KCNT1: variants seen among roughly 807,000 people sequenced by gnomAD.
The protein encoded by KCNT1 is potassium channel subfamily T member 1.
Under a neutral mutation model 147.8 loss-of-function variants are expected in KCNT1, and 78 were observed. The observed-to-expected ratio is 0.53, with a 90% CI of 0.44 to 0.64. The LOEUF (loss-of-function observed/expected upper bound fraction) is 0.64, where lower values mean the gene tolerates loss of function less well. Ranked by LOEUF, KCNT1 falls within the 30% of genes least tolerant of loss-of-function variation. KCNT1 has a pLI of 0.00. For synonymous variants in KCNT1, 867 were observed against 748.8 expected (o/e 1.16, Z -2.58); for missense variants, 1,419 against 1,750.3 (o/e 0.81, Z 3.38).
intron 29 of KCNT1, chr9:135,790,942 C>G (rs1023909209): frequency 6.6e-6 from 1 of 152,346 alleles, no homozygotes. Flanking sequence ...CCTGCCGGCC[C>G]CATGGAGACT....
intron 18 of KCNT1, among the ~76,000 whole-genome samples, chr9:135,772,475 G>A (rs1183030567): frequency 1.3e-5 from 2 of 152,128 alleles, no homozygotes; most frequent in Admixed American, 1.3e-4. Context: ...GGCCTGGGTG[G>A]CACCGATGGG....
At chr9:135,754,666 G>A (rs895445063) in intron 5 of KCNT1, among the ~76,000 whole-genome samples, 9 of 152,206 alleles carry the variant, frequency 5.9e-5, no homozygotes, top group African/African-American at 2.2e-4. Flanking sequence ...AAACCCAGGG[G>A]GCTGTGGGTT....
Position 135,759,742 on chromosome 9 carries a change from C to T in KCNT1, c.918C>T (p.Tyr306=), listed in dbSNP as rs1246645957. 5.0e-6 allele frequency: 8 copies of T among 1,613,600 alleles called. No homozygotes were observed. Among genetic ancestry groups the T allele is most frequent in the Non-Finnish European group, 6.8e-6 (8 of 1,179,838 alleles). Residue 306 remains tyrosine (Y), a synonymous_variant, in exon 11 of 31, where the codon TAC becomes TAT. Coordinates refer to ENST00000371757, the MANE Select transcript of KCNT1 (RefSeq NM_020822.3). ...ACCTGTCCCTCCTGACCTCCTTCTACTTCTGCATCGTCACCTTCTCCACCG... is the reference window on the plus strand; with the variant it reads ...ACCTGTCCCTCCTGACCTCCTTCTATTTCTGCATCGTCACCTTCTCCACCG... The part of the protein sequence containing the change: ...GENLSLLTSF[Y]FCIVTFSTVG...
At chr9:135,716,860 G>C (rs1312994270) in intron 2 of KCNT1, among the ~76,000 whole-genome samples, 1 of 152,250 alleles carries the variant, frequency 6.6e-6, no homozygotes, top group African/African-American at 2.4e-5. Flanking sequence ...TTCTATTGGA[G>C]GGAGAGTGGC....
intron 7 of KCNT1, 45 bp downstream of exon 7, chr9:135,756,977 T>TCCCCAGCCTC (rs1831526347): frequency 1.4e-5 from 14 of 978,384 alleles, no homozygotes; most frequent in South Asian, 1.4e-4. Flanking sequence ...GTCCCCACCC[T>TCCCCAGCCTC]CCCCACCCTC....
intron 2 of KCNT1, among the ~76,000 whole-genome samples, chr9:135,718,718 C>T (rs1835812268): frequency 6.6e-6 from 1 of 152,308 alleles, no homozygotes; most frequent in Middle Eastern, 3.4e-3. Context: ...GTGAGGGAAG[C>T]GGGTGCTGCT....
chr9:135,702,446 G>C (rs1009485183), intron 1 of KCNT1, 78 bp downstream of exon 1: 2 of 1,157,268 alleles, frequency 1.7e-6, no homozygotes, highest in Admixed American at 3.7e-5. Flanking sequence ...TCAGGCTCCC[G>C]CACCCTCCAG....
rs1382393432 is a variant in KCNT1 at position 135,758,453 on chromosome 9, A to G, written c.799A>G (p.Met267Val). The G allele has an allele frequency of 1.2e-6, 2 of 1,613,570 alleles. No homozygotes were observed. The highest frequency in any genetic ancestry group is 2.7e-5 in the African/African-American group (2 of 74,936). The part of the protein sequence containing the change: ...HRAILRTQSA[M>V]FNQVLILFCT... Reference sequence around the variant, plus strand: ...TGCCATCCTGCGGACACAGTCAGCCATGTTCAACCAGGTCCTCATCCTCTT... The same window carrying G: ...TGCCATCCTGCGGACACAGTCAGCCGTGTTCAACCAGGTCCTCATCCTCTT... Residue 267 changes from methionine (M) to valine (V), a missense_variant, in exon 10 of 31, where the codon ATG becomes GTG. Physicochemically the swap from Met to Val is conservative, Grantham distance 21. Transcript: ENST00000371757.
chr9:135,785,258 G>T (rs1001929622), intron 27 of KCNT1, 52 bp from the exon 28 acceptor site: 4 of 1,607,998 alleles, frequency 2.5e-6, no homozygotes, highest in Non-Finnish European at 3.4e-6. Context: ...GAGGCGGCGT[G>T]GGGGGCAGGG....
chr9:135,794,015 G>GT lies in KCNT1; in HGVS notation c.*1855dup, dbSNP rs1224933598. ...CTGCCTCACCTGGGTGGCCTCTCATGTCCCCCACACCCTGGCCCCCAGGCG... is the reference window on the plus strand; with the variant it reads ...CTGCCTCACCTGGGTGGCCTCTCATGTTCCCCCACACCCTGGCCCCCAGGCG... On this transcript the variant is annotated 3_prime_UTR_variant, in exon 31 of 31. Transcript: ENST00000371757. 6.6e-6 allele frequency: 1 copy of GT among 152,522 alleles called. No individual in the cohort carries two copies. Among genetic ancestry groups the GT allele is most frequent in the Non-Finnish European group, 1.5e-5 (1 of 68,290 alleles). 9.4% of individuals were successfully genotyped at this position (152,522 alleles called of 1,614,324 possible).
At chr9:135,777,836 GTTCCCAGCTACTCTCCA>G (rs2131545879) in intron 21 of KCNT1, among the ~76,000 whole-genome samples, 1 of 143,052 alleles carries the variant, frequency 7.0e-6, no homozygotes, top group African/African-American at 2.7e-5. Context: ...AGCTCCCCCA[GTTCCCAGCTACTCTCCA>G]TTCCCAGCTC....
At chr9:135,713,168 A>G (rs901301383) in intron 1 of KCNT1, among the ~76,000 whole-genome samples, 3 of 152,252 alleles carry the variant, frequency 2.0e-5, no homozygotes, top group South Asian at 2.1e-4. Flanking sequence ...AGGGGCTTTC[A>G]GTGAGGAAGG....
chr9:135,732,027 GAGAGAGAGAGAGA>G (rs1836499630), intron 2 of KCNT1, among the ~76,000 whole-genome samples: 5 of 102,444 alleles, frequency 4.9e-5, no homozygotes, highest in African/African-American at 1.8e-4. Context: ...GAGAGAGAGA[GAGAGAGAGAGAGA>G]GGGAGTCTCA....
At chr9:135,720,115 C>T in intron 2 of KCNT1, among the ~76,000 whole-genome samples, 1 of 152,110 alleles carries the variant, frequency 6.6e-6, no homozygotes, top group Non-Finnish European at 1.5e-5. Context: ...GCAGGGCCAG[C>T]AGGAGCAGGA....
Position 135,752,326 on chromosome 9 carries a change from C to T in KCNT1, c.434+1285C>T, listed in dbSNP as rs1233414198. ...CCCCGTCACAAGGGGGCCTGGCATC[C>T]CCAGGCCAGAGACTTTCCCTCTCCT... On this transcript the variant is annotated intron_variant, in intron 4 of 30. Coordinates refer to ENST00000371757, the MANE Select transcript of KCNT1 (RefSeq NM_020822.3). This position sits in a 1 kb window ranked among gnomAD's most constrained non-coding sequence, Gnocchi z 5.1. The T allele has an allele frequency of 6.6e-6, 3 of 455,900 alleles. No individual in the cohort carries two copies. The highest frequency in any genetic ancestry group is 1.3e-5 in the Non-Finnish European group (3 of 226,694). The allele number at this position is 455,900 out of a possible 1,614,324, so 28.2% of individuals were successfully genotyped here.
At chr9:135,758,185 A>G (rs896989088) in intron 9 of KCNT1, among the ~76,000 whole-genome samples, 3 of 115,792 alleles carry the variant, frequency 2.6e-5, no homozygotes, top group East Asian at 3.0e-4. Context: ...GGCCAGGTGC[A>G]GGCTGCCCCG....
rs76006647 is a variant in KCNT1, at chr9:135,738,229, C to T, written c.255-11869C>T. 1.7e-4 allele frequency among the ~76,000 whole-genome samples: 26 copies of T among 152,342 alleles called. No individual in the cohort carries two copies. The East Asian group carries it at 4.4e-3, about 26-fold the overall frequency. On this transcript the variant is annotated intron_variant, in intron 2 of 30. Transcript: ENST00000371757. ...CCCTGTGGGCTATGCACTGTGCTGACGGTTTCACATGGGTGGCCTCGCTCA... is the reference window on the plus strand; with the variant it reads ...CCCTGTGGGCTATGCACTGTGCTGATGGTTTCACATGGGTGGCCTCGCTCA...
At chr9:135,750,830 G>A in intron 3 of KCNT1, 112 bp from the exon 4 acceptor site, 2 of 910,488 alleles carry the variant, frequency 2.2e-6, no homozygotes, top group Non-Finnish European at 3.6e-6. Context: ...CCGGGTGTGG[G>A]AGGGGAGCCC....
At chr9:135,757,533 C>T (rs1437343452) in intron 9 of KCNT1, 152 bp downstream of exon 9, 1 of 682,408 alleles carries the variant, frequency 1.5e-6, no homozygotes. Flanking sequence ...AACTCTGTCT[C>T]TGCTCCTGGA....
Sources: allele counts gnomAD v4.1 joint callset (sites outside exome capture counted in the v4.1 genomes callset), GRCh38; gene constraint gnomAD v4.1.1; non-coding constraint Gnocchi (gnomAD v3.1); transcripts MANE v1.5; gene names NCBI Gene and HGNC (gene_info 2026-07-23, HGNC 2026-07-21).